KHDRBS2: variants seen among roughly 807,000 people sequenced by gnomAD.
KHDRBS2 encodes the protein KH RNA binding domain containing, signal transduction associated 2, also known as KH domain-containing, RNA-binding, signal transduction-associated protein 2.
A neutral mutation model predicts 44.3 loss-of-function variants in KHDRBS2; 26 were observed. That is an observed-to-expected ratio of 0.59 (90% CI 0.43 to 0.81). KHDRBS2 has a LOEUF of 0.81. Among genes scored for constraint, KHDRBS2 ranks in the 40% least tolerant of loss-of-function variants. The pLI is 0.00. For synonymous variants in KHDRBS2, 194 were observed against 151.1 expected (o/e 1.28, Z -2.08); for missense variants, 476 against 433.1 (o/e 1.10, Z -0.88).
chr6:62,085,385 A>T (rs1262554717), intron 2 of KHDRBS2, among the ~76,000 whole-genome samples: 1 of 152,102 alleles, frequency 6.6e-6, no homozygotes, highest in East Asian at 1.9e-4. Context: ...TAAAATATGG[A>T]GGGTGGTGAA....
intron 2 of KHDRBS2, among the ~76,000 whole-genome samples, chr6:62,093,223 G>GT (rs937813716): frequency 2.1e-5 from 3 of 143,660 alleles, no homozygotes; most frequent in African/African-American, 7.8e-5. Flanking sequence ...CTTAGATAAA[G>GT]TAAAAAAAAA....
chr6:62,082,643 C>A (rs189496351), intron 2 of KHDRBS2, among the ~76,000 whole-genome samples: 22 of 152,200 alleles, frequency 1.4e-4, no homozygotes, highest in Admixed American at 1.2e-3. Flanking sequence ...GGAATTGGGA[C>A]AGAGAACCTC....
chr6:61,668,578 T>C, the KHDRBS2 span, among the ~76,000 whole-genome samples: 410 of 151,198 alleles, frequency 2.7e-3, no homozygotes, highest in African/African-American at 9.4e-3. Flanking sequence ...TATTGTTTTA[T>C]GTGATAAACA....
At chr6:61,670,698 A>G in the KHDRBS2 span, among the ~76,000 whole-genome samples, 1 of 149,052 alleles carries the variant, frequency 6.7e-6, no homozygotes, top group Admixed American at 6.7e-5. Context: ...AAATTACAGA[A>G]GTTGGACAAA....
At position 62,048,121 on chromosome 6, in the gene KHDRBS2, T is replaced by C. The variant is rs112711589; in HGVS notation, c.220-127A>G. The C allele has an allele frequency of 9.4e-4, 383 of 405,314 alleles. 1 individual carries two copies. Among genetic ancestry groups the C allele is most frequent in the Middle Eastern group, 3.6e-3 (5 of 1,384 alleles). 25.1% of individuals were successfully genotyped at this position (405,314 alleles called of 1,614,324 possible). ...TGAGAAGAGAGTCATGCCATAAACA[T>C]ACACACACACACACACACACACACA... is the stretch of plus-strand genomic sequence containing the variant. On this transcript the variant is annotated intron_variant, in intron 2 of 8. Transcript: ENST00000281156.
chr6:62,203,461 A>T (rs931880063), intron 1 of KHDRBS2, among the ~76,000 whole-genome samples: 1 of 152,022 alleles, frequency 6.6e-6, no homozygotes, highest in Non-Finnish European at 1.5e-5. Flanking sequence ...ATAATAAAAG[A>T]CTTCTGTGTT....
chr6:62,255,207 T>TA (rs1326323108), intron 1 of KHDRBS2, among the ~76,000 whole-genome samples: 1 of 152,040 alleles, frequency 6.6e-6, no homozygotes, highest in Non-Finnish European at 1.5e-5. Flanking sequence ...CATTTTCTCA[T>TA]AGAAACAAAA....
chr6:61,730,639 T>C (rs1457364985), intron 7 of KHDRBS2, among the ~76,000 whole-genome samples: 1 of 152,052 alleles, frequency 6.6e-6, no homozygotes, highest in Non-Finnish European at 1.5e-5. Flanking sequence ...GAAAATACTT[T>C]TTAGAAGAGT....
chr6:61,966,167 C>T (rs991881840), intron 4 of KHDRBS2, among the ~76,000 whole-genome samples: 5 of 151,936 alleles, frequency 3.3e-5, no homozygotes, highest in African/African-American at 1.2e-4. Context: ...ATGAGAATTA[C>T]ACTGAAAGGT....
At chr6:62,072,428 AG>A (rs1795355816) in intron 2 of KHDRBS2, among the ~76,000 whole-genome samples, 1 of 152,174 alleles carries the variant, frequency 6.6e-6, no homozygotes, top group Admixed American at 6.6e-5. Flanking sequence ...CAGTTTTCAA[AG>A]GGAATGTTTC....
intron 2 of KHDRBS2, among the ~76,000 whole-genome samples, chr6:62,072,538 T>C (rs1795391189): frequency 6.6e-6 from 1 of 152,102 alleles, no homozygotes; most frequent in South Asian, 2.1e-4. Flanking sequence ...TTATTGAGAG[T>C]TTTTATCATG....
chr6:61,738,944 A>G (rs1255683948), intron 6 of KHDRBS2, among the ~76,000 whole-genome samples: 2 of 151,960 alleles, frequency 1.3e-5, no homozygotes, highest in African/African-American at 2.4e-5. Context: ...AGATTCAGAC[A>G]TAAGTCCTAT....
chr6:61,617,572 A>G, the KHDRBS2 span, among the ~76,000 whole-genome samples: 1 of 152,186 alleles, frequency 6.6e-6, no homozygotes, highest in Non-Finnish European at 1.5e-5. Context: ...ATTAAATGTT[A>G]AAATACAAAT....
intron 5 of KHDRBS2, 128 bp from the exon 6 acceptor site, chr6:61,894,961 G>T: frequency 1.6e-6 from 1 of 614,328 alleles, no homozygotes; most frequent in Non-Finnish European, 2.9e-6. Context: ...CTCTCTCTGT[G>T]TGTGTGTGTG....
intron 3 of KHDRBS2, among the ~76,000 whole-genome samples, chr6:62,043,109 A>AT (rs754470187): frequency 2.4e-4 from 36 of 152,052 alleles, no homozygotes; most frequent in Middle Eastern, 3.4e-3. Context: ...CTATTGTCTG[A>AT]TTTTCTCTAA....
At chr6:61,974,973 TAAATAAATAAA>T (rs1772248719) in intron 4 of KHDRBS2, among the ~76,000 whole-genome samples, 5 of 148,346 alleles carry the variant, frequency 3.4e-5, no homozygotes, top group Admixed American at 3.4e-4. Flanking sequence ...AATAAATAAA[TAAATAAATAAA>T]AGACTACAGT....
At chr6:61,831,606 A>C (rs1311377377) in intron 6 of KHDRBS2, among the ~76,000 whole-genome samples, 1 of 152,128 alleles carries the variant, frequency 6.6e-6, no homozygotes, top group African/African-American at 2.4e-5. Context: ...TTAAAAACTG[A>C]GAGATGTCTG....
intron 4 of KHDRBS2, among the ~76,000 whole-genome samples, chr6:61,934,011 G>A (rs993164393): frequency 4.6e-5 from 7 of 151,998 alleles, no homozygotes; most frequent in South Asian, 2.1e-4. Context: ...TTCTAACTGG[G>A]GTGATGTGAT....
At chr6:61,945,098 AAAAAAAAAAAAAAAGTATATATAT>A (rs1812941201) in intron 4 of KHDRBS2, among the ~76,000 whole-genome samples, 1 of 45,796 alleles carries the variant, frequency 2.2e-5, no homozygotes, top group African/African-American at 7.7e-5. Context: ...CTTAAAAAAA[AAAAAAAAAAAAAAAGTATATATAT>A]ATATATATAT....
Sources: allele counts gnomAD v4.1 joint callset (sites outside exome capture counted in the v4.1 genomes callset), GRCh38; gene constraint gnomAD v4.1.1; transcripts MANE v1.5; gene names NCBI Gene and HGNC (gene_info 2026-07-23, HGNC 2026-07-21).